The following FOXP2 variants were observed in gnomAD, a reference collection of about 807,000 sequenced individuals.
The protein encoded by FOXP2 is forkhead box P2.
A neutral mutation model predicts 115.8 loss-of-function variants in FOXP2; 12 were observed. That is an observed-to-expected ratio of 0.10 (90% CI 0.07 to 0.17). The LOEUF (loss-of-function observed/expected upper bound fraction) is 0.17. Among genes scored for constraint, FOXP2 ranks in the 10% least tolerant of loss-of-function variants. The pLI is 1.00. For missense variants in FOXP2, 629 were observed against 843.5 expected (o/e 0.75, Z 3.15); for synonymous variants, 328 against 297.7 (o/e 1.10, Z -1.05).
chr7:114,662,297 T>C, intron 14 of FOXP2, 111 bp downstream of exon 14: 1 of 1,446,126 alleles, frequency 6.9e-7, no homozygotes, highest in Non-Finnish European at 9.6e-7. Context: ...ATGCTAACAT[T>C]CTCGTGGCAA....
At chr7:114,606,507 G>GGT (rs1803339854) in intron 3 of FOXP2, among the ~76,000 whole-genome samples, 1 of 152,052 alleles carries the variant, frequency 6.6e-6, no homozygotes, top group South Asian at 2.1e-4. Context: ...TGCAACATGA[G>GGT]GTATGTCACA....
At chr7:114,632,252 T>C (rs1429097858) in intron 6 of FOXP2, among the ~76,000 whole-genome samples, 1 of 152,218 alleles carries the variant, frequency 6.6e-6, no homozygotes, top group Non-Finnish European at 1.5e-5. Flanking sequence ...CAAATAACAT[T>C]GCCTATGCAT....
chr7:114,673,428 C>T (rs1807599297), intron 16 of FOXP2, among the ~76,000 whole-genome samples: 1 of 152,048 alleles, frequency 6.6e-6, no homozygotes, highest in South Asian at 2.1e-4. Context: ...TTTATAAAGT[C>T]AAATAGAGTG....
chr7:114,663,380 A>G, intron 14 of FOXP2, 70 bp from the exon 15 acceptor site: 3 of 1,126,194 alleles, frequency 2.7e-6, no homozygotes, highest in Non-Finnish European at 2.7e-6. Flanking sequence ...ATACCTTTAT[A>G]GCTGAGACTA....
At chr7:114,502,668 C>A (rs1383500248) in intron 2 of FOXP2, among the ~76,000 whole-genome samples, 1 of 151,954 alleles carries the variant, frequency 6.6e-6, no homozygotes, top group African/African-American at 2.4e-5. Context: ...CTGGTGTTTT[C>A]TTTTTCTTAC....
intron 2 of FOXP2, among the ~76,000 whole-genome samples, chr7:114,319,104 T>C (rs1051909533): frequency 1.4e-5 from 2 of 145,526 alleles, no homozygotes; most frequent in Non-Finnish European, 3.0e-5. Flanking sequence ...TTGCTTGGGC[T>C]ACATTTTTAA....
At chr7:114,543,991 T>G (rs1037556806) in intron 3 of FOXP2, among the ~76,000 whole-genome samples, 1 of 152,186 alleles carries the variant, frequency 6.6e-6, no homozygotes, top group African/African-American at 2.4e-5. Context: ...GAGTAAAAGT[T>G]GCCTAGCATG....
intron 1 of FOXP2, among the ~76,000 whole-genome samples, chr7:114,164,123 C>T (rs1464463843): frequency 6.6e-6 from 1 of 152,068 alleles, no homozygotes; most frequent in Non-Finnish European, 1.5e-5. Flanking sequence ...ACATAATTTC[C>T]AGGTTCATGT....
intron 2 of FOXP2, among the ~76,000 whole-genome samples, chr7:114,492,777 C>T (rs1163192804): frequency 6.6e-6 from 1 of 151,976 alleles, no homozygotes; most frequent in Non-Finnish European, 1.5e-5. Flanking sequence ...GTCTGAGAGA[C>T]AGTTTGTTAT....
Position 114,683,850 on chromosome 7 carries a change from G to A in FOXP2, c.2004-5932G>A, listed in dbSNP as rs144038639. 1.7e-3 allele frequency among the ~76,000 whole-genome samples: 261 copies of A among 152,236 alleles called. 7 individuals carry two copies. In the East Asian group the frequency reaches 0.045, roughly 26 times the overall value. ...TCAGAAATATTGTTGTACATAGATAGGTGGAGATCAGATCATAGTTTATTG... is the reference window on the plus strand; with the variant it reads ...TCAGAAATATTGTTGTACATAGATAAGTGGAGATCAGATCATAGTTTATTG... On this transcript the variant is annotated intron_variant, in intron 16 of 16. Coordinates refer to ENST00000350908, the MANE Select transcript of FOXP2 (RefSeq NM_014491.4).
intron 2 of FOXP2, among the ~76,000 whole-genome samples, chr7:114,432,995 G>A (rs962399597): frequency 6.6e-6 from 1 of 151,836 alleles, no homozygotes; most frequent in Non-Finnish European, 1.5e-5. Flanking sequence ...TTCACTGTTT[G>A]GTCTCTAGAG....
intron 1 of FOXP2, among the ~76,000 whole-genome samples, chr7:114,140,077 C>T (rs1792162556): frequency 6.6e-6 from 1 of 152,044 alleles, no homozygotes; most frequent in Non-Finnish European, 1.5e-5. Flanking sequence ...CGCGCCACTG[C>T]ACTCAAGCCT....
chr7:114,531,337 C>G (rs1051462184), intron 2 of FOXP2, among the ~76,000 whole-genome samples: 1 of 151,762 alleles, frequency 6.6e-6, no homozygotes, highest in Non-Finnish European at 1.5e-5. Flanking sequence ...TCATTTGACA[C>G]CTAACATTTT....
intron 2 of FOXP2, among the ~76,000 whole-genome samples, chr7:114,325,848 A>G (rs995062089): frequency 5.3e-5 from 8 of 152,080 alleles, no homozygotes; most frequent in African/African-American, 1.7e-4. Context: ...TGTATAAAAA[A>G]AATTTAAGCA....
At chr7:114,284,264 T>A (rs1796410259) in intron 1 of FOXP2, among the ~76,000 whole-genome samples, 1 of 145,036 alleles carries the variant, frequency 6.9e-6, no homozygotes, top group African/African-American at 2.6e-5. Flanking sequence ...ACCCTGTCTC[T>A]CAGCACATTG....
At chr7:114,152,356 T>C (rs139634471) in intron 1 of FOXP2, among the ~76,000 whole-genome samples, 50 of 152,272 alleles carry the variant, frequency 3.3e-4, no homozygotes, top group African/African-American at 1.1e-3. Flanking sequence ...TGAGGGAAGA[T>C]CTATTGATCA....
At chr7:114,376,503 A>G (rs920638402) in intron 2 of FOXP2, among the ~76,000 whole-genome samples, 1 of 152,216 alleles carries the variant, frequency 6.6e-6, no homozygotes, top group African/African-American at 2.4e-5. Flanking sequence ...AAAAAGTCAC[A>G]GAATTTCTGC....
chr7:114,324,541 T>C (rs964376048), intron 2 of FOXP2, among the ~76,000 whole-genome samples: 1 of 151,922 alleles, frequency 6.6e-6, no homozygotes, highest in African/African-American at 2.4e-5. Flanking sequence ...TAACCTCAGA[T>C]ACAGTTTTCC....
intron 2 of FOXP2, among the ~76,000 whole-genome samples, chr7:114,323,885 A>G (rs911676301): frequency 3.3e-5 from 5 of 151,994 alleles, no homozygotes; most frequent in Admixed American, 3.3e-4. Context: ...ATCACTTTCT[A>G]GATTCAAACT....
Sources: allele counts gnomAD v4.1 joint callset (sites outside exome capture counted in the v4.1 genomes callset), GRCh38; gene constraint gnomAD v4.1.1; transcripts MANE v1.5; gene names NCBI Gene and HGNC (gene_info 2026-07-23, HGNC 2026-07-21).